ZNF654: variants seen among roughly 807,000 people sequenced by gnomAD.
ZNF654 encodes zinc finger protein 654.
Under a neutral mutation model 95.3 loss-of-function variants are expected in ZNF654, and 19 were observed. The ratio of observed to expected loss-of-function variants is 0.20; its 90% confidence interval spans 0.14 to 0.29. The LOEUF is 0.29. Among genes scored for constraint, ZNF654 ranks in the 10% least tolerant of loss-of-function variants. ZNF654 has a pLI of 1.00. For synonymous variants in ZNF654, 413 were observed against 457.9 expected (o/e 0.90, Z 1.25); for missense variants, 1,046 against 1,341.0 (o/e 0.78, Z 3.44).
intron 2 of ZNF654, among the ~76,000 whole-genome samples, chr3:88,092,124 T>C (rs910437176): frequency 6.6e-6 from 1 of 152,214 alleles, no homozygotes; most frequent in African/African-American, 2.4e-5. Flanking sequence ...AGAAGTTAAT[T>C]ATATTTTCCA....
At chr3:88,122,404 T>C (rs1442555486) in intron 3 of ZNF654, among the ~76,000 whole-genome samples, 3 of 152,198 alleles carry the variant, frequency 2.0e-5, no homozygotes, top group Admixed American at 6.5e-5. Flanking sequence ...ACCAATTATG[T>C]AGAATGGCCA....
intron 3 of ZNF654, among the ~76,000 whole-genome samples, chr3:88,115,674 C>A (rs1705347039): frequency 6.6e-6 from 1 of 152,162 alleles, no homozygotes; most frequent in Non-Finnish European, 1.5e-5. Context: ...TTTTTCCTCT[C>A]CGTTATTTCT....
At chr3:88,113,955 G>A (rs1705243650) in intron 3 of ZNF654, among the ~76,000 whole-genome samples, 1 of 152,010 alleles carries the variant, frequency 6.6e-6, no homozygotes, top group Non-Finnish European at 1.5e-5. Flanking sequence ...TGTTTTCATG[G>A]AACTTATGTT....
intron 8 of ZNF654, 48 bp from the exon 9 acceptor site, chr3:88,141,597 G>T: frequency 7.2e-7 from 1 of 1,396,220 alleles, no homozygotes; most frequent in Non-Finnish European, 9.6e-7. Context: ...TGGAATTCCG[G>T]TCGAATGTCA....
Position 88,086,424 on chromosome 3 carries a change from T to C in ZNF654, c.332+22T>C, listed in dbSNP as rs760160778. The C allele has an allele frequency of 4.1e-6, 6 of 1,457,582 alleles. No homozygotes were observed. The South Asian group carries it at 5.5e-5, about 13-fold the overall frequency. 90.3% of individuals were successfully genotyped at this position (1,457,582 alleles called of 1,614,324 possible). ...CTGTGTAAGTACTTTTTACTTCTTA[T>C]AAATGCATTATTTTTCTTGATGTGT... is the stretch of plus-strand genomic sequence containing the variant. On this transcript the variant is annotated intron_variant, in intron 2 of 8. Transcript: ENST00000636215.
intron 1 of ZNF654, among the ~76,000 whole-genome samples, chr3:88,067,843 A>C (rs2107603397): frequency 6.6e-6 from 1 of 152,196 alleles, no homozygotes; most frequent in East Asian, 1.9e-4. Context: ...ATATGGTGGT[A>C]ACTGGAGGCA....
At chr3:88,129,593 C>CT in intron 5 of ZNF654, 94 bp from the exon 6 acceptor site, 1 of 1,015,342 alleles carries the variant, frequency 9.8e-7, no homozygotes, top group Non-Finnish European at 1.4e-6. Context: ...AACTAGAAAT[C>CT]TAAGCAATTT....
At chr3:88,124,594 T>C (rs1241259390) in intron 3 of ZNF654, among the ~76,000 whole-genome samples, 1 of 152,228 alleles carries the variant, frequency 6.6e-6, no homozygotes, top group Admixed American at 6.5e-5. Context: ...AAAGTGTTTG[T>C]AGCCACTTTG....
At chr3:88,092,160 C>T (rs1703782218) in intron 2 of ZNF654, among the ~76,000 whole-genome samples, 1 of 152,058 alleles carries the variant, frequency 6.6e-6, no homozygotes, top group Admixed American at 6.5e-5. Flanking sequence ...GGGGAAATAG[C>T]AACATGTTGG....
chr3:88,091,180 A>G (rs1708612275), intron 2 of ZNF654, among the ~76,000 whole-genome samples: 1 of 152,188 alleles, frequency 6.6e-6, no homozygotes, highest in South Asian at 2.1e-4. Flanking sequence ...TTCTCAGAAC[A>G]TATCCCTGTC....
chr3:88,084,436 G>A (rs189983316), intron 1 of ZNF654, among the ~76,000 whole-genome samples: 7 of 152,296 alleles, frequency 4.6e-5, no homozygotes, highest in Non-Finnish European at 7.4e-5. Context: ...TTTAGAGCCA[G>A]GGAACCAGTG....
intron 7 of ZNF654, among the ~76,000 whole-genome samples, chr3:88,138,385 C>A (rs1471632407): frequency 6.6e-6 from 1 of 151,870 alleles, no homozygotes; most frequent in Non-Finnish European, 1.5e-5. Context: ...AAATGGGGGT[C>A]TAGAAGAAAT....
intron 7 of ZNF654, among the ~76,000 whole-genome samples, chr3:88,135,995 T>C (rs1052334376): frequency 2.0e-5 from 3 of 152,120 alleles, no homozygotes; most frequent in Admixed American, 2.0e-4. Flanking sequence ...TGTATGATCA[T>C]GTAGTGATCA....
At chr3:88,083,042 ACTC>A (rs1265540289) in intron 1 of ZNF654, among the ~76,000 whole-genome samples, 6 of 122,090 alleles carry the variant, frequency 4.9e-5, no homozygotes, top group South Asian at 2.5e-4. Flanking sequence ...ACTCCTCCTC[ACTC>A]CTCCTCCCTC....
In ZNF654 at chr3:88,140,024, C is replaced by T. The variant is rs753558140; in HGVS notation, c.2355C>T (p.Ser785=). The T allele has an allele frequency of 4.3e-6, 7 of 1,613,554 alleles. No individual in the cohort carries two copies. The South Asian group carries it at 7.7e-5, about 18-fold the overall frequency. The change falls in exon 8 of 9, where the codon AGC becomes AGT. Residue 785 remains serine (S), a synonymous_variant. Transcript: ENST00000636215. The part of the protein sequence containing the change: ...LNVRQTVMKW[S]KGKCKFCQRQ... ...TGCGACAAACAGTAATGAAGTGGAGCAAAGGAAAATGCAAATTTTGTCAAA... is the reference window on the plus strand; with the variant it reads ...TGCGACAAACAGTAATGAAGTGGAGTAAAGGAAAATGCAAATTTTGTCAAA...
chr3:88,072,244 G>T (rs993691266), intron 1 of ZNF654, among the ~76,000 whole-genome samples: 1 of 152,102 alleles, frequency 6.6e-6, no homozygotes, highest in African/African-American at 2.4e-5. Context: ...CAAACTATAG[G>T]TATCTTTCTC....
At chr3:88,068,584 A>T (rs1402926829) in intron 1 of ZNF654, among the ~76,000 whole-genome samples, 1 of 152,158 alleles carries the variant, frequency 6.6e-6, no homozygotes, top group African/African-American at 2.4e-5. Flanking sequence ...CAGTGATTTG[A>T]TGTGTGTATG....
intron 1 of ZNF654, among the ~76,000 whole-genome samples, chr3:88,083,079 T>TTCCTCC (rs1708164634): frequency 6.6e-6 from 1 of 150,786 alleles, no homozygotes; most frequent in Non-Finnish European, 1.5e-5. Flanking sequence ...TTCCTCACTC[T>TTCCTCC]TCCTCCTCCT....
In ZNF654 at chr3:88,139,495, A is replaced by G. The variant is rs763332962; in HGVS notation, c.1826A>G (p.Asp609Gly). 6.2e-7 allele frequency: 1 copy of G among 1,613,722 alleles called. No homozygotes were observed. Among genetic ancestry groups the G allele is most frequent in the East Asian group, 2.2e-5 (1 of 44,872 alleles). The change falls in exon 8 of 9, where the codon GAT becomes GGT. Residue 609 changes from aspartate (D) to glycine (G), a missense_variant. Coordinates refer to ENST00000636215, the MANE Select transcript of ZNF654 (RefSeq NM_001350134.2). ...QRQQIAAAQQ[D>G]DQEVTALEEI... ...CAGCAAATTGCTGCAGCTCAACAGG[A>G]TGATCAGGAAGTCACTGCTTTGGAA...
Sources: gnomAD v4.1 joint callset for allele counts (sites outside exome capture counted in the v4.1 genomes callset) on GRCh38, gnomAD v4.1.1 for gene constraint, MANE v1.5 for transcripts, NCBI Gene and HGNC (gene_info 2026-07-23, HGNC 2026-07-21) for gene names.